Variants in CRMP1 observed in about 807,000 individuals in gnomAD.
CRMP1 encodes the protein collapsin response mediator protein 1, also known as dihydropyrimidinase-related protein 1.
In CRMP1, 19 loss-of-function variants were observed where a neutral mutation model predicts 68.3. The ratio of observed to expected loss-of-function variants is 0.28; its 90% CI spans 0.19 to 0.41. The LOEUF (loss-of-function observed/expected upper bound fraction) is 0.41. Ranked by LOEUF, CRMP1 falls within the 10% of genes least tolerant of loss-of-function variation. The pLI is 1.00. For missense variants in CRMP1, 791 were observed against 967.4 expected, an observed-to-expected ratio of 0.82 and a Z score of 2.42; for synonymous variants, 439 against 399.6, an observed-to-expected ratio of 1.10 and a Z score of -1.18.
At position 5,839,741 on chromosome 4, in the gene CRMP1, G is replaced by A. The variant is rs1242021800; in HGVS notation, c.1154-63C>T. On this transcript the variant is annotated intron_variant, in intron 8 of 13. Transcript: ENST00000324989. Reference sequence around the variant, plus strand: ...TACTCTCTTGAGGCAGATGTCAAAGGCACAAAATTGGAAGACTGTGGAGGG... The same window carrying A: ...TACTCTCTTGAGGCAGATGTCAAAGACACAAAATTGGAAGACTGTGGAGGG... 10 of 1,509,236 alleles carry A rather than the reference G, an allele frequency of 6.6e-6. No individual in the cohort carries two copies. The South Asian group carries it at 1.0e-4, about 16-fold the overall frequency. 93.5% of individuals were successfully genotyped at this position (1,509,236 alleles called of 1,614,324 possible). A position where few individuals can be genotyped will look rare whatever the true frequency, so the allele number is the denominator to read the frequency against.
chr4:5,867,723 A>T (rs1714098125), intron 1 of CRMP1, among the ~76,000 whole-genome samples: 1 of 152,168 alleles, frequency 6.6e-6, no homozygotes, highest in Admixed American at 6.6e-5. Context: ...GAGGAGGAGA[A>T]AAGTGGGGAC....
At position 5,842,631 on chromosome 4, in the gene CRMP1, C is replaced by CAA. The variant is rs368747514; in HGVS notation, c.1032+461_1032+462insTT. Among the ~76,000 whole-genome samples the CAA allele has an allele frequency of 0.016, 2,404 of 151,560 alleles. 53 individuals carry two copies. Among genetic ancestry groups the CAA allele is most frequent in the African/African-American group, 0.054 (2,245 of 41,236 alleles). On this transcript the variant is annotated intron_variant, in intron 7 of 13. Transcript: ENST00000324989. This position sits in a 1 kb window ranked among gnomAD's most constrained non-coding sequence, Gnocchi z 4.5. The stretch of plus-strand genomic sequence containing the variant: ...ACACACACACACTCACTCACACACA[C>CAA]ACACACGCACTGTCTCTCTCACACA...
rs1370059988 is a variant in CRMP1 at position 5,888,393 on chromosome 4, G to T, written c.381+4196C>A. 1 of 1,221,726 alleles carries T rather than the reference G, an allele frequency of 8.2e-7. No homozygotes were observed. Among genetic ancestry groups the T allele is most frequent in the Non-Finnish European group, 1.0e-6 (1 of 980,734 alleles). The allele number at this position is 1,221,726 out of a possible 1,614,324, so 75.7% of individuals were successfully genotyped here. ...CGGGAGGGATAGAGACACGGACGGAGGCTCGGCGCCCGTGGATGCCCACGC... is the reference window on the plus strand; with the variant it reads ...CGGGAGGGATAGAGACACGGACGGATGCTCGGCGCCCGTGGATGCCCACGC... On this transcript the variant is annotated intron_variant, in intron 1 of 13. Coordinates refer to ENST00000324989, the MANE Select transcript of CRMP1 (RefSeq NM_001014809.3). This position sits in a 1 kb window ranked among gnomAD's most constrained non-coding sequence, Gnocchi z 6.4.
chr4:5,885,661 A>C (rs3774893), intron 1 of CRMP1, among the ~76,000 whole-genome samples: 84,723 of 151,922 alleles, frequency 0.56, 23,968 homozygotes, highest in East Asian at 0.74. Context: ...CCCCTAGGAC[A>C]AGGCTGAGTG....
rs988996930 is a variant in CRMP1, at chr4:5,853,944, G to A, written c.820+2199C>T. Among the ~76,000 whole-genome samples, 17 of 152,190 alleles carry A rather than the reference G, an allele frequency of 1.1e-4. No homozygotes were observed. Among genetic ancestry groups the A allele is most frequent in the Non-Finnish European group, 1.9e-4 (13 of 68,034 alleles). ...CAGGACCTGAGCACCATCGCCATTCGCCTGCTGGTGACCCAGCCCAGATGC... is the reference window on the plus strand; with the variant it reads ...CAGGACCTGAGCACCATCGCCATTCACCTGCTGGTGACCCAGCCCAGATGC... On this transcript the variant is annotated intron_variant, in intron 4 of 13. Transcript: ENST00000324989. The surrounding 1 kb of genome is among the most constrained non-coding windows in gnomAD (Gnocchi z 4.7).
rs1238991989 is a variant in CRMP1 at position 5,891,389 on chromosome 4, GCTTCC to G, written c.381+1195_381+1199del. 2.0e-5 allele frequency among the ~76,000 whole-genome samples: 3 copies of G among 152,164 alleles called. No homozygotes were observed. Among genetic ancestry groups the G allele is most frequent in the African/African-American group, 7.2e-5 (3 of 41,428 alleles). The stretch of plus-strand genomic sequence containing the variant: ...CAGATATCTGCCCCGATCAAGCTCT[GCTTCC>G]CTCCAGGCTCACTTTGGGTCACTCA... On this transcript the variant is annotated intron_variant, in intron 1 of 13. Transcript: ENST00000324989. This position sits in a 1 kb window ranked among gnomAD's most constrained non-coding sequence, Gnocchi z 5.2.
chr4:5,870,499 C>A lies in CRMP1; in HGVS notation c.382-3743G>T, dbSNP rs952125867. 1.3e-5 allele frequency among the ~76,000 whole-genome samples: 2 copies of A among 152,228 alleles called. No homozygotes were observed. The highest frequency in any genetic ancestry group is 2.9e-5 in the Non-Finnish European group (2 of 68,040). On this transcript the variant is annotated intron_variant, in intron 1 of 13. Coordinates refer to ENST00000324989, the MANE Select transcript of CRMP1 (RefSeq NM_001014809.3). The surrounding 1 kb of genome is among the most constrained non-coding windows in gnomAD (Gnocchi z 6.0). ...TGTCTTTACTAGACCGTGAGCTCCACGGAGGCAACGGACTTTGTCCGTTTT... is the reference window on the plus strand; with the variant it reads ...TGTCTTTACTAGACCGTGAGCTCCAAGGAGGCAACGGACTTTGTCCGTTTT...
Position 5,869,221 on chromosome 4 carries a change from G to A in CRMP1, c.382-2465C>T, listed in dbSNP as rs145485391. Among the ~76,000 whole-genome samples, 106 of 152,174 alleles carry A rather than the reference G, an allele frequency of 7.0e-4. 2 individuals are homozygous for A. Among genetic ancestry groups the A allele is most frequent in the African/African-American group, 1.9e-3 (77 of 41,514 alleles). ...TCCCTCCTCGGTTTCCCAAAGCACC[G>A]GGATTACAGGTGTGAGCCACCGTGC... On this transcript the variant is annotated intron_variant, in intron 1 of 13. Transcript: ENST00000324989.
intron 1 of CRMP1, chr4:5,887,943 A>G (rs1368281528): frequency 6.9e-6 from 4 of 579,360 alleles, no homozygotes; most frequent in Non-Finnish European, 9.7e-6. Flanking sequence ...CTCCCTGTCC[A>G]CGCCATCCTC....
At chr4:5,845,699 A>C in intron 6 of CRMP1, among the ~76,000 whole-genome samples, 1 of 152,256 alleles carries the variant, frequency 6.6e-6, no homozygotes, top group East Asian at 1.9e-4. Context: ...ATCATGGATG[A>C]CTAGTACAGG....
intron 1 of CRMP1, among the ~76,000 whole-genome samples, chr4:5,871,195 C>A (rs539486642): frequency 6.6e-6 from 1 of 152,282 alleles, no homozygotes; most frequent in South Asian, 2.1e-4. Context: ...AAAAATAAGC[C>A]CACAGGAAGC....
chr4:5,876,792 C>A (rs1017538549), intron 1 of CRMP1, among the ~76,000 whole-genome samples: 1 of 151,568 alleles, frequency 6.6e-6, no homozygotes, highest in African/African-American at 2.4e-5. Context: ...CCAGCTGGTC[C>A]TCAGAATGCC....
rs1577855899 is a variant in CRMP1 at position 5,888,652 on chromosome 4, C to T, written c.381+3937G>A. 1.0e-6 allele frequency: 1 copy of T among 975,540 alleles called. No homozygotes were observed. Among genetic ancestry groups the T allele is most frequent in the Admixed American group, 6.2e-5 (1 of 16,128 alleles). The allele number at this position is 975,540 out of a possible 1,614,324, so 60.4% of individuals were successfully genotyped here. A position where few individuals can be genotyped will look rare whatever the true frequency, so the allele number is the denominator to read the frequency against. On this transcript the variant is annotated intron_variant, in intron 1 of 13. Transcript: ENST00000324989. The surrounding 1 kb of genome is among the most constrained non-coding windows in gnomAD (Gnocchi z 6.4). The stretch of plus-strand genomic sequence containing the variant: ...CCCCCGCCCCCCACCCGCCCAGCCC[C>T]GCCGACCCCCGCCCTGCGCACACGC...
At chr4:5,875,650 A>G (rs904146518) in intron 1 of CRMP1, among the ~76,000 whole-genome samples, 1 of 152,140 alleles carries the variant, frequency 6.6e-6, no homozygotes, top group Non-Finnish European at 1.5e-5. Flanking sequence ...CCAAATAAAC[A>G]TTAGATACAG....
chr4:5,824,719 TCCGGC>T (rs1338994598), intron 13 of CRMP1: 5 of 984,048 alleles, frequency 5.1e-6, no homozygotes, highest in Non-Finnish European at 6.0e-6. Context: ...GTATTTACTA[TCCGGC>T]CTTCTAAGAA....
chr4:5,887,887 G>T (rs1715710590), intron 1 of CRMP1: 3 of 819,626 alleles, frequency 3.7e-6, no homozygotes, highest in Non-Finnish European at 4.5e-6. Flanking sequence ...CCTGCGGGGA[G>T]GGGGTTCGGA....
intron 1 of CRMP1, among the ~76,000 whole-genome samples, chr4:5,873,779 C>G (rs750465675): frequency 3.3e-5 from 5 of 152,112 alleles, no homozygotes; most frequent in African/African-American, 1.2e-4. Context: ...GCCTGGCATG[C>G]CTGGGGATCT....
chr4:5,866,632 A>C lies in CRMP1; in HGVS notation c.470+36T>G, dbSNP rs986661564. On this transcript the variant is annotated intron_variant, in intron 2 of 13. Transcript: ENST00000324989. This position sits in a 1 kb window ranked among gnomAD's most constrained non-coding sequence, Gnocchi z 5.9. ...ATCTAAGGCCAGGCAGCCTGGCGAC[A>C]CAGGTTTCTTAAAAGGTCCGTTTTG... 6.5e-7 allele frequency: 1 copy of C among 1,530,450 alleles called. No homozygotes were observed. The highest frequency in any genetic ancestry group is 9.0e-7 in the Non-Finnish European group (1 of 1,108,886). The allele number at this position is 1,530,450 out of a possible 1,614,324, so 94.8% of individuals were successfully genotyped here. A position where few individuals can be genotyped will look rare whatever the true frequency, so the allele number is the denominator to read the frequency against.
rs58821493 is a variant in CRMP1 at position 5,856,104 on chromosome 4, A to C, written c.820+39T>G. On this transcript the variant is annotated intron_variant, in intron 4 of 13. Transcript: ENST00000324989. ...TAATCTTTGGATCTACCAAAGAACAAGGGATTCCCCAAAACCCCGTTCCGA... is the reference window on the plus strand; with the variant it reads ...TAATCTTTGGATCTACCAAAGAACACGGGATTCCCCAAAACCCCGTTCCGA... 3.4e-3 allele frequency: 5,436 copies of C among 1,608,570 alleles called. 166 individuals carry two copies. In the African/African-American group the frequency reaches 0.063, roughly 19 times the overall value.
Sources: allele counts gnomAD v4.1 joint callset (sites outside exome capture counted in the v4.1 genomes callset), GRCh38; gene constraint gnomAD v4.1.1; non-coding constraint Gnocchi (gnomAD v3.1); transcripts MANE v1.5; gene names NCBI Gene and HGNC (gene_info 2026-07-23, HGNC 2026-07-21).